Variants in HM13 observed in about 807,000 individuals in gnomAD.
The protein encoded by HM13 is histocompatibility minor 13, also known as signal peptide peptidase.
Under a neutral mutation model 50.0 loss-of-function variants are expected in HM13, and 18 were observed. The observed-to-expected ratio is 0.36, with a 90% confidence interval of 0.25 to 0.53. The LOEUF (loss-of-function observed/expected upper bound fraction) is 0.53. Ranked by LOEUF, HM13 falls within the 20% of genes least tolerant of loss-of-function variation. HM13 has a pLI of 0.90. For missense variants in HM13, 393 were observed against 552.4 expected (o/e 0.71, Z 2.89); for synonymous variants, 197 against 232.6 (o/e 0.85, Z 1.39).
intron 6 of HM13, among the ~76,000 whole-genome samples, chr20:31,549,686 C>G (rs1292539220): frequency 1.3e-5 from 2 of 152,208 alleles, no homozygotes; most frequent in East Asian, 3.8e-4. Flanking sequence ...AGGGCATTCA[C>G]ATTCACTCTG....
chr20:31,545,096 T>A (rs747344447), intron 4 of HM13, 61 bp downstream of exon 4: 690 of 1,316,092 alleles, frequency 5.2e-4, no homozygotes, highest in Non-Finnish European at 7.4e-4. Context: ...CCATTCCCTT[T>A]GTCTCTCCAA....
chr20:31,533,788 G>T (rs1982954677), intron 2 of HM13, among the ~76,000 whole-genome samples: 1 of 152,154 alleles, frequency 6.6e-6, no homozygotes, highest in African/African-American at 2.4e-5. Flanking sequence ...CATTTCATAT[G>T]CCTCTCTCTC....
chr20:31,545,104 C>T (rs1205724344), intron 4 of HM13, 69 bp downstream of exon 4: 1 of 1,251,026 alleles, frequency 8.0e-7, no homozygotes, highest in African/African-American at 1.5e-5. Context: ...TTTGTCTCTC[C>T]AATATTGGGG....
chr20:31,562,194 CCTT>C (rs1435163934), intron 10 of HM13, among the ~76,000 whole-genome samples: 4 of 152,134 alleles, frequency 2.6e-5, no homozygotes, highest in South Asian at 2.1e-4. Flanking sequence ...GGCTCTGCCT[CCTT>C]CTCCCACCAA....
chr20:31,531,464 G>A (rs897923414), intron 2 of HM13, among the ~76,000 whole-genome samples: 13 of 150,910 alleles, frequency 8.6e-5, no homozygotes, highest in East Asian at 5.8e-4. Context: ...TCACATAATC[G>A]TAGCTTACTG....
intron 1 of HM13, among the ~76,000 whole-genome samples, chr20:31,525,599 G>C (rs867081101): frequency 1.3e-5 from 2 of 152,116 alleles, no homozygotes; most frequent in South Asian, 4.2e-4. Context: ...AACAGTTGCA[G>C]AGTAGGCTTG....
chr20:31,524,860 C>A (rs1225527138), intron 1 of HM13, among the ~76,000 whole-genome samples: 1 of 151,704 alleles, frequency 6.6e-6, no homozygotes, highest in Non-Finnish European at 1.5e-5. Flanking sequence ...ACTACAGGCG[C>A]CCGCCACCAC....
At position 31,529,399 on chromosome 20, in the gene HM13, C is replaced by T. The variant is rs552872580; in HGVS notation, c.282+1817C>T. Among the ~76,000 whole-genome samples the T allele has an allele frequency of 7.2e-5, 11 of 152,036 alleles. No individual in the cohort carries two copies. In the East Asian group the frequency reaches 1.9e-3, roughly 27 times the overall value. ...AGCTGGGACTACAAGGCGTGCACCACCACACCTAGCTAATTTTCATATTTT... is the reference window on the plus strand; with the variant it reads ...AGCTGGGACTACAAGGCGTGCACCATCACACCTAGCTAATTTTCATATTTT... On this transcript the variant is annotated intron_variant, in intron 2 of 12. Coordinates refer to ENST00000398174, the MANE Select transcript of HM13 (RefSeq NM_178581.3).
intron 8 of HM13, among the ~76,000 whole-genome samples, chr20:31,558,636 C>A (rs974773345): frequency 1.1e-4 from 17 of 152,302 alleles, no homozygotes; most frequent in African/African-American, 4.1e-4. Context: ...CCTGTTACAC[C>A]TTCTTACAAC....
At chr20:31,527,669 T>C in intron 2 of HM13, 87 bp downstream of exon 2, 1 of 923,774 alleles carries the variant, frequency 1.1e-6, no homozygotes, top group South Asian at 1.5e-5. Flanking sequence ...GAACCATGCA[T>C]GTTCATTTAT....
chr20:31,562,462 A>G (rs972559197), intron 10 of HM13: 5 of 152,606 alleles, frequency 3.3e-5, no homozygotes, highest in African/African-American at 1.2e-4. Flanking sequence ...TGGTAAAGCC[A>G]GGATTCAAAC....
chr20:31,542,425 C>T (rs1469528899), intron 3 of HM13, among the ~76,000 whole-genome samples: 1 of 152,210 alleles, frequency 6.6e-6, no homozygotes, highest in African/African-American at 2.4e-5. Context: ...CTTCCACCCC[C>T]AGGGGAGAAG....
intron 1 of HM13, among the ~76,000 whole-genome samples, chr20:31,526,116 G>A (rs566543664): frequency 2.0e-5 from 3 of 151,924 alleles, no homozygotes; most frequent in South Asian, 2.1e-4. Context: ...CAGAGCTCAT[G>A]AGACTCCATC....
chr20:31,543,504 G>A (rs1231192887), intron 3 of HM13, among the ~76,000 whole-genome samples: 3 of 151,730 alleles, frequency 2.0e-5, no homozygotes, highest in Admixed American at 2.0e-4. Flanking sequence ...GGCCAGGCTG[G>A]TCTCGAACTC....
Position 31,569,434 on chromosome 20 carries a change from A to C in HM13, c.*215A>C. 2.5e-6 allele frequency: 1 copy of C among 406,302 alleles called. No individual in the cohort carries two copies. The highest frequency in any genetic ancestry group is 4.5e-6 in the Non-Finnish European group (1 of 223,910). The allele number at this position is 406,302 out of a possible 1,614,324, so 25.2% of individuals were successfully genotyped here. The stretch of plus-strand genomic sequence containing the variant: ...TCCCCACACCCTGCAGGCAAAAGAA[A>C]CCCCCAGCTTCCCCCCTCCCCGGGA... On this transcript the variant is annotated 3_prime_UTR_variant, in exon 13 of 13. Transcript: ENST00000398174.
In HM13 at chr20:31,555,805, C is replaced by CAA. The variant is rs778841196; in HGVS notation, c.808+990_808+991dup. On this transcript the variant is annotated intron_variant, in intron 8 of 12. Transcript: ENST00000398174. ...ACAACATAGCAAGACCTCATCTCTA[C>CAA]AAAAAAAAAAAAAAATTAGCCAGTC... Among the ~76,000 whole-genome samples the CAA allele has an allele frequency of 8.0e-5, 10 of 124,520 alleles. No homozygotes were observed. In the East Asian group the frequency reaches 1.4e-3, roughly 17 times the overall value. 81.7% of individuals were successfully genotyped at this position (124,520 alleles called of 152,430 possible). A position where few individuals can be genotyped will look rare whatever the true frequency, so the allele number is the denominator to read the frequency against.
chr20:31,538,102 A>T, intron 2 of HM13, 77 bp from the exon 3 acceptor site: 5 of 1,568,122 alleles, frequency 3.2e-6, no homozygotes, highest in Non-Finnish European at 4.3e-6. Flanking sequence ...AACCTCCAGA[A>T]GAGACGCAGG....
At chr20:31,516,234 C>A (rs535477133) in intron 1 of HM13, among the ~76,000 whole-genome samples, 8 of 152,336 alleles carry the variant, frequency 5.3e-5, no homozygotes, top group Admixed American at 4.6e-4. Flanking sequence ...GGACAGCTGG[C>A]ATAAGGCTAG....
At chr20:31,545,402 G>A (rs922951513) in intron 4 of HM13, among the ~76,000 whole-genome samples, 3 of 152,116 alleles carry the variant, frequency 2.0e-5, no homozygotes, top group Non-Finnish European at 2.9e-5. Flanking sequence ...TATTTTATTC[G>A]TATATATTTT....
Sources: allele counts gnomAD v4.1 joint callset (sites outside exome capture counted in the v4.1 genomes callset), GRCh38; gene constraint gnomAD v4.1.1; transcripts MANE v1.5; gene names NCBI Gene and HGNC (gene_info 2026-07-23, HGNC 2026-07-21).